The following THSD7A variants were observed in gnomAD, a reference collection of about 807,000 sequenced individuals.
THSD7A encodes the protein thrombospondin type-1 domain-containing protein 7A.
In THSD7A, 96 loss-of-function variants were observed where a neutral mutation model predicts 231.3. That is an observed-to-expected ratio of 0.41 (90% CI 0.35 to 0.49). The LOEUF (loss-of-function observed/expected upper bound fraction) is 0.49, where lower values mean the gene tolerates loss of function less well. THSD7A is among the 20% of genes least tolerant of loss of function. The pLI is 0.05. For synonymous variants in THSD7A, 940 were observed against 743.3 expected, an observed-to-expected ratio of 1.26 and a Z score of -4.30; for missense variants, 2,290 against 2,070.2, an observed-to-expected ratio of 1.11 and a Z score of -2.06.
intron 1 of THSD7A, among the ~76,000 whole-genome samples, chr7:11,774,781 G>A (rs1216697532): frequency 1.3e-5 from 2 of 152,194 alleles, no homozygotes; most frequent in African/African-American, 4.8e-5. Context: ...AAGGCCAGGT[G>A]CTATGGCTCA....
At chr7:11,618,425 T>C (rs1249089734) in intron 2 of THSD7A, among the ~76,000 whole-genome samples, 1 of 152,002 alleles carries the variant, frequency 6.6e-6, no homozygotes, top group Admixed American at 6.6e-5. Context: ...TATGTGTAGG[T>C]TGATATGAAT....
chr7:11,468,898 T>C (rs1785820504), intron 9 of THSD7A, among the ~76,000 whole-genome samples: 1 of 152,074 alleles, frequency 6.6e-6, no homozygotes, highest in African/African-American at 2.4e-5. Context: ...GGTTTAATTT[T>C]ATTGGATATT....
chr7:11,773,703 G>A (rs1783311107), intron 1 of THSD7A, among the ~76,000 whole-genome samples: 2 of 151,284 alleles, frequency 1.3e-5, no homozygotes, highest in Non-Finnish European at 1.5e-5. Context: ...TATTTGTGGG[G>A]TACATTTTTT....
chr7:11,712,851 T>G (rs558515872), intron 1 of THSD7A, among the ~76,000 whole-genome samples: 1 of 151,242 alleles, frequency 6.6e-6, no homozygotes, highest in South Asian at 2.1e-4. Flanking sequence ...TCTTAAAATG[T>G]AAGTCAAAGA....
At chr7:11,722,145 C>T (rs1781378235) in intron 1 of THSD7A, among the ~76,000 whole-genome samples, 1 of 151,820 alleles carries the variant, frequency 6.6e-6, no homozygotes, top group African/African-American at 2.4e-5. Flanking sequence ...GGGCATAGGC[C>T]TAGCTAACCA....
chr7:11,784,062 C>T (rs577886744), intron 1 of THSD7A, among the ~76,000 whole-genome samples: 3 of 151,962 alleles, frequency 2.0e-5, no homozygotes, highest in Middle Eastern at 3.4e-3. Flanking sequence ...AAGTTCACAT[C>T]GCACAGAAAG....
rs572627429 is a variant in THSD7A at position 11,629,551 on chromosome 7, G to A, written c.1022+6579C>T. 9.9e-5 allele frequency among the ~76,000 whole-genome samples: 15 copies of A among 152,204 alleles called. No individual in the cohort carries two copies. In the South Asian group the frequency reaches 3.1e-3, roughly 32 times the overall value. ...AAAAGGAGTGTTACTTTAAATAGTGGGCAATTTTCTCCTTTCTCTTTGGTA... is the reference window on the plus strand; with the variant it reads ...AAAAGGAGTGTTACTTTAAATAGTGAGCAATTTTCTCCTTTCTCTTTGGTA... On this transcript the variant is annotated intron_variant, in intron 2 of 27. Transcript: ENST00000423059.
intron 4 of THSD7A, among the ~76,000 whole-genome samples, chr7:11,553,629 A>G (rs1275020183): frequency 3.3e-5 from 5 of 152,032 alleles, no homozygotes; most frequent in Non-Finnish European, 7.4e-5. Flanking sequence ...TCTCAGAATA[A>G]TGGAGAAATT....
intron 1 of THSD7A, among the ~76,000 whole-genome samples, chr7:11,694,905 A>T (rs1006530811): frequency 1.3e-5 from 2 of 151,676 alleles, no homozygotes; most frequent in African/African-American, 4.8e-5. Flanking sequence ...TCTCTTTCAT[A>T]TTGTAATGAT....
chr7:11,599,084 A>G (rs996411582), intron 2 of THSD7A, among the ~76,000 whole-genome samples: 3 of 152,320 alleles, frequency 2.0e-5, no homozygotes, highest in African/African-American at 7.2e-5. Context: ...GGCGTCCCTT[A>G]GTATTGTCAC....
Position 11,379,610 on chromosome 7 carries a change from C to T in THSD7A, c.4590+20G>A. ...CACATGATGGAGCTGGCTTGTCTGCCCTGATGAATTTTCACATACCTCGCT... is the reference window on the plus strand; with the variant it reads ...CACATGATGGAGCTGGCTTGTCTGCTCTGATGAATTTTCACATACCTCGCT... On this transcript the variant is annotated intron_variant, in intron 25 of 27. Transcript: ENST00000423059. 1.3e-6 allele frequency: 2 copies of T among 1,564,470 alleles called. No homozygotes were observed. The highest frequency in any genetic ancestry group is 1.7e-6 in the Non-Finnish European group (2 of 1,153,004).
intron 1 of THSD7A, chr7:11,751,207 C>T: frequency 6.6e-6 from 1 of 152,064 alleles, no homozygotes. Flanking sequence ...AGGGGCTCCC[C>T]TGGCCGTAAG....
intron 1 of THSD7A, among the ~76,000 whole-genome samples, chr7:11,716,037 G>T (rs1360548941): frequency 6.6e-6 from 1 of 151,538 alleles, no homozygotes; most frequent in Non-Finnish European, 1.5e-5. Context: ...TGATAACGAT[G>T]TCAGTGAGAG....
chr7:11,640,770 G>C (rs1782049307), intron 1 of THSD7A, among the ~76,000 whole-genome samples: 1 of 151,948 alleles, frequency 6.6e-6, no homozygotes, highest in Non-Finnish European at 1.5e-5. Context: ...ATGTACAAAT[G>C]CCTTAAGAAA....
intron 1 of THSD7A, among the ~76,000 whole-genome samples, chr7:11,707,191 A>G (rs1390324400): frequency 6.6e-6 from 1 of 150,892 alleles, no homozygotes; most frequent in Non-Finnish European, 1.5e-5. Context: ...TTCTTTAGCC[A>G]TAATACCAGT....
At chr7:11,735,545 G>C (rs1781887415) in intron 1 of THSD7A, among the ~76,000 whole-genome samples, 1 of 145,316 alleles carries the variant, frequency 6.9e-6, no homozygotes, top group East Asian at 2.0e-4. Flanking sequence ...TATTCCCCAA[G>C]AAATCTCATT....
intron 1 of THSD7A, among the ~76,000 whole-genome samples, chr7:11,687,673 G>C (rs1780100692): frequency 6.6e-6 from 1 of 151,828 alleles, no homozygotes; most frequent in Non-Finnish European, 1.5e-5. Context: ...TCATCTCCAA[G>C]AAGTATTTTG....
At chr7:11,501,731 C>G (rs971172914) in intron 6 of THSD7A, among the ~76,000 whole-genome samples, 1 of 151,954 alleles carries the variant, frequency 6.6e-6, no homozygotes, top group African/African-American at 2.4e-5. Context: ...ATTAGAGAAG[C>G]AATAGCAAAT....
intron 6 of THSD7A, among the ~76,000 whole-genome samples, chr7:11,511,105 G>C (rs1345558723): frequency 6.6e-6 from 1 of 152,130 alleles, no homozygotes; most frequent in Non-Finnish European, 1.5e-5. Context: ...CAAAATCAAT[G>C]TGCAAAAATC....
Sources: gnomAD v4.1 joint callset for allele counts (sites outside exome capture counted in the v4.1 genomes callset) on GRCh38, gnomAD v4.1.1 for gene constraint, MANE v1.5 for transcripts, NCBI Gene and HGNC (gene_info 2026-07-23, HGNC 2026-07-21) for gene names.